The following ZRSR2 variants were observed in gnomAD, a reference collection of about 807,000 sequenced individuals.
The protein encoded by ZRSR2 is zinc finger CCCH-type, RNA binding motif and serine/arginine rich 2.
A neutral mutation model predicts 39.4 loss-of-function variants in ZRSR2; 3 were observed. The ratio of observed to expected loss-of-function variants is 0.08; its 90% CI spans 0.03 to 0.20. The LOEUF is 0.20. Among genes scored for constraint, ZRSR2 ranks in the 10% least tolerant of loss-of-function variants. The probability of loss-of-function intolerance (pLI) is 1.00; values close to 1 mark genes in which losing one functional copy is unlikely to be tolerated. For synonymous variants in ZRSR2, 137 were observed against 136.0 expected (o/e 1.01, Z -0.05); for missense variants, 256 against 391.5 (o/e 0.65, Z 2.92).
intron 7 of ZRSR2, among the ~76,000 whole-genome samples, chrX:15,813,777 T>A (rs1932919554): frequency 8.9e-6 from 1 of 112,079 alleles, no homozygotes; most frequent in Non-Finnish European, 1.9e-5. Flanking sequence ...TTGCTCTTTG[T>A]TCTATCAGTA....
At chrX:15,809,726 G>A (rs1200251160) in intron 7 of ZRSR2, among the ~76,000 whole-genome samples, 1 of 111,550 alleles carries the variant, frequency 9.0e-6, no homozygotes, top group Non-Finnish European at 1.9e-5. Context: ...TTAAAACTTG[G>A]CATGTGCCAG....
intron 3 of ZRSR2, among the ~76,000 whole-genome samples, chrX:15,803,279 T>A (rs1279529779): frequency 9.1e-6 from 1 of 110,129 alleles, no homozygotes; most frequent in Non-Finnish European, 1.9e-5. Flanking sequence ...AATAAATAAA[T>A]AAAAATAAAT....
chrX:15,800,218 C>A (rs1474380965), intron 3 of ZRSR2, among the ~76,000 whole-genome samples: 1 of 90,324 alleles, frequency 1.1e-5, no homozygotes, highest in Non-Finnish European at 2.1e-5. Flanking sequence ...GACGGAGTCT[C>A]GCTCTGTTGC....
Position 15,808,268 on chromosome X carries a change from T to A in ZRSR2, c.435T>A (p.Asn145Lys). The change falls in exon 6 of 11, where the codon AAT becomes AAA. Residue 145 changes from asparagine to lysine, a missense_variant. Asn to Lys is a moderately conservative substitution (Grantham distance 94). Coordinates refer to ENST00000307771, the MANE Select transcript of ZRSR2 (RefSeq NM_005089.4). ...AGAAGATGCTGGATCAGGCTGAAAATGAGGTATTTTTAAAACCTTACATTG... is the reference window on the plus strand; with the variant it reads ...AGAAGATGCTGGATCAGGCTGAAAAAGAGGTATTTTTAAAACCTTACATTG... ...ALQKMLDQAENELENGTTWQN... is the reference protein window; with the variant it reads ...ALQKMLDQAEKELENGTTWQN... 8.3e-7 allele frequency: 1 copy of A among 1,201,371 alleles called. No homozygotes were observed. The highest frequency in any genetic ancestry group is 3.0e-5 in the East Asian group (1 of 33,759).
chrX:15,804,253 A>G, intron 5 of ZRSR2, 56 bp downstream of exon 5: 1 of 1,110,163 alleles, frequency 9.0e-7, no homozygotes, highest in South Asian at 2.5e-5. Flanking sequence ...ATCAGTAGGC[A>G]TGTCAGAGTT....
intron 2 of ZRSR2, 73 bp from the exon 3 acceptor site, chrX:15,799,799 C>T: frequency 3.1e-6 from 2 of 636,884 alleles, no homozygotes; most frequent in Non-Finnish European, 4.9e-6. Flanking sequence ...TTAAAGATTA[C>T]ATGTATTTTT....
Position 15,820,322 on chromosome X carries a change from A to C in ZRSR2, c.937+6A>C. Reference sequence around the variant, plus strand: ...GTGGAAAATGGCGATTTGTGGTAAAAGACAAAGTGATGATTTTTTTCCTCA... The same window carrying C: ...GTGGAAAATGGCGATTTGTGGTAAACGACAAAGTGATGATTTTTTTCCTCA... On this transcript the variant is annotated splice_donor_region_variant and intron_variant, in intron 10 of 10. Coordinates refer to ENST00000307771, the MANE Select transcript of ZRSR2 (RefSeq NM_005089.4). The C allele has an allele frequency of 8.4e-7, 1 of 1,193,490 alleles. No individual in the cohort carries two copies. Among genetic ancestry groups the C allele is most frequent in the Non-Finnish European group, 1.1e-6 (1 of 879,106 alleles).
At chrX:15,793,374 C>G (rs758926810) in intron 2 of ZRSR2, among the ~76,000 whole-genome samples, 8 of 111,080 alleles carry the variant, frequency 7.2e-5, no homozygotes, top group Non-Finnish European at 1.5e-4. Flanking sequence ...TAGTTTAGCC[C>G]ATTTTAATGG....
At chrX:15,807,970 G>T (rs766327022) in intron 5 of ZRSR2, among the ~76,000 whole-genome samples, 1 of 110,447 alleles carries the variant, frequency 9.1e-6, no homozygotes, top group African/African-American at 3.3e-5. Flanking sequence ...AGCCTGGGAG[G>T]CGGAGGTTGC....
intron 2 of ZRSR2, among the ~76,000 whole-genome samples, chrX:15,791,881 C>T (rs1413183471): frequency 9.0e-6 from 1 of 110,916 alleles, no homozygotes; most frequent in Non-Finnish European, 1.9e-5. Flanking sequence ...AGGCTGGTTT[C>T]GAACTTCTGA....
At position 15,799,890 on chromosome X, in the gene ZRSR2, A is replaced by G; in HGVS notation, c.140A>G (p.Glu47Gly). ...TCCCTAGGACTCTCACAGAAGGAGG[A>G]AGAGGAGGACACTTTTATTGAAGAA... ...LRDSGLSQKE[E>G]EEDTFIEEQQ... Residue 47 changes from glutamate to glycine, a missense_variant, in exon 3 of 11, where the codon GAA becomes GGA. Coordinates refer to ENST00000307771, the MANE Select transcript of ZRSR2 (RefSeq NM_005089.4). The G allele has an allele frequency of 8.3e-7, 1 of 1,201,690 alleles. No homozygotes were observed. The highest frequency in any genetic ancestry group is 1.1e-6 in the Non-Finnish European group (1 of 887,901).
chrX:15,814,151 G>C (rs1011706136), intron 7 of ZRSR2, among the ~76,000 whole-genome samples: 2 of 107,317 alleles, frequency 1.9e-5, no homozygotes, highest in African/African-American at 6.8e-5. Context: ...TTGTTTATTT[G>C]GAACCTTGAA....
At chrX:15,816,932 T>C (rs376139429) in intron 8 of ZRSR2, among the ~76,000 whole-genome samples, 65 of 111,727 alleles carry the variant, frequency 5.8e-4, no homozygotes, top group African/African-American at 1.9e-3. Flanking sequence ...ACATTACTTG[T>C]CAGCACAAGC....
intron 9 of ZRSR2, among the ~76,000 whole-genome samples, chrX:15,818,991 C>T (rs1195292381): frequency 1.8e-5 from 2 of 108,234 alleles, no homozygotes; most frequent in Non-Finnish European, 3.8e-5. Context: ...AGGCTGGTCT[C>T]GAACTCCTGA....
chrX:15,813,153 G>A (rs1414095738), intron 7 of ZRSR2, among the ~76,000 whole-genome samples: 1 of 112,030 alleles, frequency 8.9e-6, no homozygotes, highest in East Asian at 2.8e-4. Flanking sequence ...AGCTATACCC[G>A]AGGGGGCATT....
chrX:15,800,023 C>T, intron 3 of ZRSR2, 70 bp downstream of exon 3: 1 of 727,541 alleles, frequency 1.4e-6, no homozygotes, highest in Non-Finnish European at 2.0e-6. Context: ...CTTTACTAAC[C>T]AGTACCAGTC....
At chrX:15,800,144 T>C (rs1932617963) in intron 3 of ZRSR2, among the ~76,000 whole-genome samples, 191 bp downstream of exon 3, 1 of 110,396 alleles carries the variant, frequency 9.1e-6, no homozygotes, top group Non-Finnish European at 1.9e-5. Context: ...AAAATGGAAG[T>C]ACTTTTCTTC....
At chrX:15,815,536 AC>A in intron 7 of ZRSR2, 140 bp from the exon 8 acceptor site, 1 of 476,687 alleles carries the variant, frequency 2.1e-6, no homozygotes, top group Admixed American at 3.3e-5. Context: ...CGAACTCTGG[AC>A]CTCAGGTGAT....
intron 6 of ZRSR2, among the ~76,000 whole-genome samples, chrX:15,808,609 T>G (rs1932834044): frequency 9.2e-6 from 1 of 108,189 alleles, no homozygotes; most frequent in African/African-American, 3.4e-5. Context: ...TGGACCCTTT[T>G]TTTTCTCTTT....
Sources: allele counts gnomAD v4.1 joint callset (sites outside exome capture counted in the v4.1 genomes callset), GRCh38; gene constraint gnomAD v4.1.1; transcripts MANE v1.5; gene names NCBI Gene and HGNC (gene_info 2026-07-23, HGNC 2026-07-21).